The following LPP variants were observed in gnomAD, a reference collection of about 807,000 sequenced individuals.
LPP encodes the protein lipoma-preferred partner.
LPP carries 38 observed loss-of-function variants against 60.4 expected under a neutral mutation model. The observed-to-expected ratio is 0.63, with a 90% CI of 0.49 to 0.83. LPP has a LOEUF of 0.83. Among genes scored for constraint, LPP ranks in the 40% least tolerant of loss-of-function variants. The probability of loss-of-function intolerance (pLI) is 0.00; values close to 1 mark genes in which losing one functional copy is unlikely to be tolerated. For synonymous variants in LPP, 328 were observed against 290.8 expected (o/e 1.13, Z -1.30); for missense variants, 902 against 783.6 (o/e 1.15, Z -1.80).
intron 1 of LPP, among the ~76,000 whole-genome samples, chr3:188,157,735 T>A (rs1316780107): frequency 1.3e-5 from 2 of 151,826 alleles, no homozygotes; most frequent in Non-Finnish European, 2.9e-5. Context: ...TTAAGTGCTT[T>A]TACAGGGTAA....
chr3:188,383,951 T>C (rs2030516), intron 3 of LPP, among the ~76,000 whole-genome samples: 98,007 of 152,136 alleles, frequency 0.64, 32,836 homozygotes, highest in African/African-American at 0.83. Flanking sequence ...TAATCATTGA[T>C]ACCACCAGCA....
At chr3:188,840,106 T>G (rs1759551981) in intron 9 of LPP, among the ~76,000 whole-genome samples, 1 of 152,284 alleles carries the variant, frequency 6.6e-6, no homozygotes, top group South Asian at 2.1e-4. Context: ...GATAGTTTTG[T>G]TTTGGTTTGG....
At chr3:188,589,504 A>G (rs1245654979) in intron 6 of LPP, among the ~76,000 whole-genome samples, 1 of 152,224 alleles carries the variant, frequency 6.6e-6, no homozygotes. Flanking sequence ...CAATGCCTGC[A>G]TGATTTTCCT....
intron 4 of LPP, among the ~76,000 whole-genome samples, chr3:188,432,882 G>A (rs1791279373): frequency 6.6e-6 from 1 of 152,174 alleles, no homozygotes; most frequent in African/African-American, 2.4e-5. Flanking sequence ...GAAGAGCTCA[G>A]TGCGAACACA....
At chr3:188,670,259 AAAAT>A (rs1344537966) in intron 7 of LPP, among the ~76,000 whole-genome samples, 3 of 152,236 alleles carry the variant, frequency 2.0e-5, no homozygotes, top group African/African-American at 7.2e-5. Flanking sequence ...TAATAATAAA[AAAAT>A]AAATTAATTA....
At chr3:188,612,730 T>C (rs1843985726) in intron 7 of LPP, among the ~76,000 whole-genome samples, 2 of 152,144 alleles carry the variant, frequency 1.3e-5, no homozygotes, top group South Asian at 2.1e-4. Flanking sequence ...CTTTATTACA[T>C]TGAGTGCTTC....
intron 2 of LPP, among the ~76,000 whole-genome samples, chr3:188,337,731 C>T (rs1035880221): frequency 5.9e-5 from 9 of 152,300 alleles, no homozygotes; most frequent in African/African-American, 1.9e-4. Flanking sequence ...AACTCCAGAG[C>T]TCAACAGATC....
intron 6 of LPP, among the ~76,000 whole-genome samples, chr3:188,548,357 C>T (rs1378605869): frequency 6.6e-6 from 1 of 152,170 alleles, no homozygotes; most frequent in Non-Finnish European, 1.5e-5. Context: ...CTTGGTAAGA[C>T]ACATAGCTTA....
chr3:188,633,089 TTTGAATGATTCTTCCAAGTCA>T (rs1358758608), intron 7 of LPP, among the ~76,000 whole-genome samples: 1 of 152,204 alleles, frequency 6.6e-6, no homozygotes, highest in Non-Finnish European at 1.5e-5. Context: ...GTGTTCAGTC[TTTGAATGATTCTTCCAAGTCA>T]TATAGATGTG....
At chr3:188,770,071 T>C (rs1735373097) in intron 9 of LPP, among the ~76,000 whole-genome samples, 1 of 152,120 alleles carries the variant, frequency 6.6e-6, no homozygotes, top group Non-Finnish European at 1.5e-5. Context: ...GAGTGAATTG[T>C]TGGCAGTGGT....
At position 188,432,686 on chromosome 3, in the gene LPP, A is replaced by T. The variant is rs567581085; in HGVS notation, c.193+26373A>T. 4.6e-5 allele frequency among the ~76,000 whole-genome samples: 7 copies of T among 152,078 alleles called. No homozygotes were observed. The East Asian group carries it at 1.4e-3, about 29-fold the overall frequency. On this transcript the variant is annotated intron_variant, in intron 4 of 11. Coordinates refer to ENST00000617246, the MANE Select transcript of LPP (RefSeq NM_001375462.1). ...TGTATGAGGATAATATCACCCAGGG[A>T]TGATATGCTAGATAAAGACCCAGGA...
At chr3:188,806,267 A>G (rs549438398) in intron 9 of LPP, among the ~76,000 whole-genome samples, 93 of 152,006 alleles carry the variant, frequency 6.1e-4, no homozygotes, top group South Asian at 1.7e-3. Context: ...TTAAGTGCAC[A>G]TACATTAGGA....
At chr3:188,786,382 C>CAAAAAAAAAAAAAAAAAAA (rs57565042) in intron 9 of LPP, among the ~76,000 whole-genome samples, 2 of 76,656 alleles carry the variant, frequency 2.6e-5, no homozygotes, top group African/African-American at 9.7e-5. Flanking sequence ...GACTCCGTCT[C>CAAAAAAAAAAAAAAAAAAA]AAAAAAAAAA....
chr3:188,475,251 ATTC>A (rs1172769509), intron 4 of LPP, among the ~76,000 whole-genome samples: 2 of 152,326 alleles, frequency 1.3e-5, no homozygotes, highest in Non-Finnish European at 2.9e-5. Context: ...TTTAAAGATA[ATTC>A]TTCTTGCTTT....
intron 3 of LPP, among the ~76,000 whole-genome samples, chr3:188,366,343 A>G (rs546949139): frequency 6.6e-6 from 1 of 152,204 alleles, no homozygotes; most frequent in Non-Finnish European, 1.5e-5. Flanking sequence ...AGCAGTGAAC[A>G]TGGGAGTGCA....
intron 6 of LPP, among the ~76,000 whole-genome samples, chr3:188,525,382 T>A: frequency 6.6e-6 from 1 of 152,248 alleles, no homozygotes; most frequent in Non-Finnish European, 1.5e-5. Flanking sequence ...AGTACTTTCT[T>A]TAAAAATAAC....
chr3:188,370,020 C>T (rs1449454929), intron 3 of LPP, among the ~76,000 whole-genome samples: 3 of 152,144 alleles, frequency 2.0e-5, no homozygotes, highest in African/African-American at 7.2e-5. Context: ...CCTCCACCTT[C>T]CGGATTCAAG....
At chr3:188,767,473 T>C (rs1734525148) in intron 9 of LPP, among the ~76,000 whole-genome samples, 1 of 152,202 alleles carries the variant, frequency 6.6e-6, no homozygotes, top group African/African-American at 2.4e-5. Flanking sequence ...TTTTAGTCTT[T>C]GATAAATCAT....
intron 3 of LPP, among the ~76,000 whole-genome samples, chr3:188,356,309 C>G (rs1024414448): frequency 6.6e-6 from 1 of 152,154 alleles, no homozygotes; most frequent in Non-Finnish European, 1.5e-5. Context: ...ATGCTACTCA[C>G]TAGTTCGTGG....
Sources: gnomAD v4.1 joint callset for allele counts (sites outside exome capture counted in the v4.1 genomes callset) on GRCh38, gnomAD v4.1.1 for gene constraint, MANE v1.5 for transcripts, NCBI Gene and HGNC (gene_info 2026-07-23, HGNC 2026-07-21) for gene names.